Variants in ARAF observed in about 807,000 individuals in gnomAD.
ARAF encodes the protein serine/threonine-protein kinase A-Raf.
In ARAF, 18 loss-of-function variants were observed where a neutral mutation model predicts 48.0. The observed-to-expected ratio is 0.37, with a 90% CI of 0.26 to 0.56. The LOEUF is 0.56. Ranked by LOEUF, ARAF falls within the 20% of genes least tolerant of loss-of-function variation. ARAF has a pLI of 0.77. For missense variants in ARAF, 389 were observed against 543.1 expected (o/e 0.72, Z 2.82); for synonymous variants, 207 against 220.1 (o/e 0.94, Z 0.53).
chrX:47,568,089 T>C (rs779354164), intron 10 of ARAF, among the ~76,000 whole-genome samples: 2 of 110,863 alleles, frequency 1.8e-5, no homozygotes, highest in Non-Finnish European at 3.8e-5. Flanking sequence ...GGCACAATTA[T>C]GTTACAGAGA....
Position 47,569,746 on chromosome X carries a change from G to A in ARAF, c.1419+89G>A, listed in dbSNP as rs780659300. ...GGGCCAAGTGGGGACGGGGATGCCT[G>A]TGCCAGATGTGGGTGTCTGGACTCC... On this transcript the variant is annotated intron_variant, in intron 13 of 15. Transcript: ENST00000377045. The A allele has an allele frequency of 7.9e-5, 86 of 1,090,926 alleles. No individual in the cohort carries two copies. The African/African-American group carries it at 1.5e-3, about 19-fold the overall frequency. The allele number at this position is 1,090,926 out of a possible 1,213,427, so 89.9% of individuals were successfully genotyped here.
rs771482270 is a variant in ARAF, at chrX:47,566,723, C to A, written c.642C>A (p.Ser214=). The part of the protein sequence containing the change: ...NAPLQRIRST[S]TPNVHMVSTT... ...CCCTACAGCGCATCCGCTCCACGTC[C>A]ACTCCCAACGTCCATATGGTCAGCA... The change falls in exon 7 of 16, where the codon TCC becomes TCA. Residue 214 remains serine, a synonymous_variant. Transcript: ENST00000377045. 14 of 1,206,365 alleles carry A rather than the reference C, an allele frequency of 1.2e-5. No homozygotes were observed. The East Asian group carries it at 4.2e-4, about 36-fold the overall frequency.
At chrX:47,570,657 C>G (rs1255287105) in intron 14 of ARAF, among the ~76,000 whole-genome samples, 1 of 111,121 alleles carries the variant, frequency 9.0e-6, no homozygotes, top group African/African-American at 3.3e-5. Flanking sequence ...CCTCTGAGCC[C>G]CAGATACCTA....
chrX:47,563,575 A>G (rs1569319125), intron 3 of ARAF, among the ~76,000 whole-genome samples: 2 of 112,039 alleles, frequency 1.8e-5, no homozygotes, highest in South Asian at 7.4e-4. Context: ...CCATAAATGT[A>G]ATGCCTTTTC....
At chrX:47,569,468 A>G in intron 12 of ARAF, 71 bp from the exon 13 acceptor site, 1 of 930,702 alleles carries the variant, frequency 1.1e-6, no homozygotes, top group South Asian at 2.1e-5. Context: ...AGGGGCACCA[A>G]TGGGAACCTC....
Position 47,563,234 on chromosome X carries a change from C to A in ARAF, c.105C>A (p.Val35=). 1 of 1,209,858 alleles carries A rather than the reference C, an allele frequency of 8.3e-7. No homozygotes were observed. Among genetic ancestry groups the A allele is most frequent in the Non-Finnish European group, 1.1e-6 (1 of 894,336 alleles). ...TCTGCACATACACACAGGTGACTGT[C>A]CGGGATGGCATGAGTGTCTACGACT... ...LPNKQRTVVT[V]RDGMSVYDSL... is the part of the protein sequence containing the mutation. Residue 35 remains valine, a synonymous_variant, in exon 3 of 16, where the codon GTC becomes GTA. Coordinates refer to ENST00000377045, the MANE Select transcript of ARAF (RefSeq NM_001654.5).
In ARAF at chrX:47,571,028, G is replaced by A; in HGVS notation, c.1686+16G>A. 1 of 1,207,098 alleles carries A rather than the reference G, an allele frequency of 8.3e-7. No individual in the cohort carries two copies. Among genetic ancestry groups the A allele is most frequent in the Non-Finnish European group, 1.1e-6 (1 of 893,221 alleles). On this transcript the variant is annotated intron_variant, in intron 15 of 15. Coordinates refer to ENST00000377045, the MANE Select transcript of ARAF (RefSeq NM_001654.5). ...CTTCCCCCAGGTGGGCTGGGTAGGGGGCTGGACACCTTGGGTGGGTGACTC... is the reference window on the plus strand; with the variant it reads ...CTTCCCCCAGGTGGGCTGGGTAGGGAGCTGGACACCTTGGGTGGGTGACTC...
intron 1 of ARAF, among the ~76,000 whole-genome samples, chrX:47,561,981 C>A (rs982947757): frequency 1.5e-4 from 13 of 84,721 alleles, no homozygotes; most frequent in Non-Finnish European, 2.7e-4. Context: ...CCCCCCCCCC[C>A]ATGAATTCCT....
At chrX:47,567,786 A>G (rs1422831287) in intron 10 of ARAF, among the ~76,000 whole-genome samples, 2 of 110,540 alleles carry the variant, frequency 1.8e-5, no homozygotes, top group Admixed American at 9.6e-5. Context: ...TTGGGCTACA[A>G]TGGTAATGTT....
At chrX:47,562,791 G>A (rs1466636353) in intron 1 of ARAF, 118 bp from the exon 2 acceptor site, 1 of 432,226 alleles carries the variant, frequency 2.3e-6, no homozygotes, top group Non-Finnish European at 4.0e-6. Context: ...ACTGTCGTGT[G>A]AAAATTAGGC....
intron 13 of ARAF, 102 bp downstream of exon 13, chrX:47,569,759 G>A: frequency 9.2e-7 from 1 of 1,089,615 alleles, no homozygotes; most frequent in African/African-American, 1.8e-5. Flanking sequence ...CCAGATGTGG[G>A]TGTCTGGACT....
Position 47,568,763 on chromosome X carries a change from C to T in ARAF, c.1122C>T (p.Thr374=), listed in dbSNP as rs772190588. 8.3e-7 allele frequency: 1 copy of T among 1,211,605 alleles called. No individual in the cohort carries two copies. The highest frequency in any genetic ancestry group is 1.1e-6 in the Non-Finnish European group (1 of 895,387). Residue 374 remains threonine, a synonymous_variant, in exon 11 of 16, where the codon ACC becomes ACT. Coordinates refer to ENST00000377045, the MANE Select transcript of ARAF (RefSeq NM_001654.5). The part of the protein sequence containing the change: ...VNILLFMGFM[T]RPGFAIITQW... ...TCTTGCTGTTTATGGGCTTCATGAC[C>T]CGGCCGGGATTTGCCATCATCACAC... is the stretch of plus-strand genomic sequence containing the variant.
At chrX:47,566,805 G>C (rs183656189) in intron 7 of ARAF, 25 bp downstream of exon 7, 1 of 1,211,012 alleles carries the variant, frequency 8.3e-7, no homozygotes, top group Non-Finnish European at 1.1e-6. Flanking sequence ...GGACAATGCC[G>C]GGGACCACAG....
Position 47,571,503 on chromosome X carries a change from A to G in ARAF, c.*46A>G. 8.5e-7 allele frequency: 1 copy of G among 1,172,145 alleles called. No individual in the cohort carries two copies. Among genetic ancestry groups the G allele is most frequent in the Non-Finnish European group, 1.1e-6 (1 of 876,832 alleles). On this transcript the variant is annotated 3_prime_UTR_variant, in exon 16 of 16. Coordinates refer to ENST00000377045, the MANE Select transcript of ARAF (RefSeq NM_001654.5). ...GAGCCAATCTCAGCCCTCCACGCCA[A>G]GGAGCCTTGCCCACCAGCCAATCAA...
chrX:47,561,969 ACC>A (rs35299477), intron 1 of ARAF, among the ~76,000 whole-genome samples: 13,971 of 58,975 alleles, frequency 0.24, 1,516 homozygotes, highest in African/African-American at 0.44. Flanking sequence ...GTATGTAGTG[ACC>A]CCCCCCCCCC....
chrX:47,567,548 A>G (rs2057739221), intron 10 of ARAF, 116 bp downstream of exon 10: 1 of 845,274 alleles, frequency 1.2e-6, no homozygotes, highest in Admixed American at 2.8e-5. Context: ...TTGTTAAACC[A>G]TCATCAGAAG....
At position 47,566,923 on chromosome X, in the gene ARAF, G is replaced by A. The variant is rs2057735610; in HGVS notation, c.727+12G>A. On this transcript the variant is annotated intron_variant, in intron 8 of 15. Coordinates refer to ENST00000377045, the MANE Select transcript of ARAF (RefSeq NM_001654.5). ...TTTCAGCACTGATGGTGAGTCCCCT[G>A]TGCCTGCACCCTGACCCCCGCTGCC... 8.3e-7 allele frequency: 1 copy of A among 1,211,409 alleles called. No individual in the cohort carries two copies. Among genetic ancestry groups the A allele is most frequent in the Non-Finnish European group, 1.1e-6 (1 of 895,453 alleles).
chrX:47,565,406 G>A (rs949478395), intron 6 of ARAF, 56 bp downstream of exon 6: 4 of 1,168,972 alleles, frequency 3.4e-6, no homozygotes, highest in Non-Finnish European at 4.6e-6. Context: ...TGGGGCTCTT[G>A]TAGACCACGA....
Position 47,569,811 on chromosome X carries a change from T to C in ARAF, c.1420-82T>C. 2.6e-6 allele frequency: 3 copies of C among 1,154,618 alleles called. No individual in the cohort carries two copies. The South Asian group carries it at 5.8e-5, about 22-fold the overall frequency. On this transcript the variant is annotated intron_variant, in intron 13 of 15. Transcript: ENST00000377045. The stretch of plus-strand genomic sequence containing the variant: ...GTGTGGGTGGCTCTGAGTTGTACCC[T>C]GTGTGGCCAGTGGGATCTGGGACTG...
Sources: gnomAD v4.1 joint callset for allele counts (sites outside exome capture counted in the v4.1 genomes callset) on GRCh38, gnomAD v4.1.1 for gene constraint, MANE v1.5 for transcripts, NCBI Gene and HGNC (gene_info 2026-07-23, HGNC 2026-07-21) for gene names.